The following SBNO2 variants were observed in gnomAD, a reference collection of about 807,000 sequenced individuals.
SBNO2 encodes the protein protein strawberry notch homolog 2.
Under a neutral mutation model 146.3 loss-of-function variants are expected in SBNO2, and 89 were observed. The observed-to-expected ratio is 0.61, with a 90% CI of 0.51 to 0.73. The LOEUF is 0.73. SBNO2 is among the 30% of genes least tolerant of loss of function. The probability of loss-of-function intolerance (pLI) is 0.00; values close to 1 mark genes in which losing one functional copy is unlikely to be tolerated. For missense variants in SBNO2, 2,092 were observed against 2,003.7 expected (o/e 1.04, Z -0.84); for synonymous variants, 1,147 against 892.6 (o/e 1.29, Z -5.08).
In SBNO2 at chr19:1,108,920, G is replaced by A. The variant is rs368678431; in HGVS notation, c.3475C>T (p.Leu1159=). The stretch of plus-strand genomic sequence containing the variant: ...AGCATGTAGTGGTGCCGCAGCCGCA[G>A]CCCCTGCAGGCAGTCCTTACCCTCC... ...AQEGKDCLQG[L]RLRHHYMLCG... is the part of the protein sequence containing the mutation. Residue 1159 remains leucine, a synonymous_variant, in exon 31 of 32, where the codon CTG becomes TTG. Transcript: ENST00000361757. 6.4e-6 allele frequency: 10 copies of A among 1,574,114 alleles called. No individual in the cohort carries two copies. Among genetic ancestry groups the A allele is most frequent in the African/African-American group, 1.3e-5 (1 of 74,146 alleles).
At chr19:1,167,426 G>A in intron 1 of SBNO2, among the ~76,000 whole-genome samples, 1 of 152,228 alleles carries the variant, frequency 6.6e-6, no homozygotes. Context: ...GGGTTCTCCG[G>A]GAGAGTCCGC....
intron 7 of SBNO2, 21 bp from the exon 8 acceptor site, chr19:1,123,066 G>A (rs2079922732): frequency 1.9e-6 from 3 of 1,588,392 alleles, no homozygotes; most frequent in African/African-American, 1.3e-5. Flanking sequence ...AAGGACGGAG[G>A]GCAAGGTAAA....
chr19:1,169,735 C>T (rs559723719), intron 1 of SBNO2, among the ~76,000 whole-genome samples: 7 of 152,288 alleles, frequency 4.6e-5, no homozygotes, highest in Non-Finnish European at 7.4e-5. Context: ...CTGGGGATTC[C>T]GAAGGACAGG....
rs750440306 is a variant in SBNO2, at chr19:1,114,272, A to T, written c.2036T>A (p.Val679Asp). ...GAGCCCGACTGCATCAACGATGACAACGTCGTCATCCACCAGGGACTCGGG... is the reference window on the plus strand; with the variant it reads ...GAGCCCGACTGCATCAACGATGACATCGTCGTCATCCACCAGGGACTCGGG... The part of the protein sequence containing the change: ...SSPESLVDDD[V>D]VIVDAVGLPS... The change falls in exon 18 of 32, where the codon GTT (valine) becomes GAT (aspartate). Residue 679 changes from valine to aspartate, a missense_variant. Coordinates refer to ENST00000361757, the MANE Select transcript of SBNO2 (RefSeq NM_014963.3). The T allele has an allele frequency of 3.9e-5, 61 of 1,546,386 alleles. No individual in the cohort carries two copies. The highest frequency in any genetic ancestry group is 5.1e-5 in the Non-Finnish European group (58 of 1,144,738).
chr19:1,108,452 G>A lies in SBNO2; in HGVS notation c.3869C>T (p.Pro1290Leu). 4 of 1,236,396 alleles carry A rather than the reference G, an allele frequency of 3.2e-6. No homozygotes were observed. Among genetic ancestry groups the A allele is most frequent in the Non-Finnish European group, 4.1e-6 (4 of 984,916 alleles). 76.6% of individuals were successfully genotyped at this position (1,236,396 alleles called of 1,614,324 possible). A position where few individuals can be genotyped will look rare whatever the true frequency, so the allele number is the denominator to read the frequency against. The part of the protein sequence containing the change: ...LSLDAGPGVV[P>L]LGTPDAQADP... ...GGCCTGGGCGTCGGGGGTGCCCAGC[G>A]GCACGACGCCGGGGCCGGCGTCCAG... The change falls in exon 32 of 32, where the codon CCG becomes CTG. Residue 1290 changes from proline to leucine, a missense_variant. By Grantham distance (98) the Pro-to-Leu change is moderately conservative. Transcript: ENST00000361757.
Position 1,107,997 on chromosome 19 carries a change from A to G in SBNO2, c.*223T>C. ...CCGGAGCCCCTTCCTACTTGGGAGG[A>G]GAGGCACAGAGAGGGCCCTGCCACG... On this transcript the variant is annotated 3_prime_UTR_variant, in exon 32 of 32. Transcript: ENST00000361757. 1 of 347,880 alleles carries G rather than the reference A, an allele frequency of 2.9e-6. No individual in the cohort carries two copies. The highest frequency in any genetic ancestry group is 5.2e-6 in the Non-Finnish European group (1 of 193,030). 21.5% of individuals were successfully genotyped at this position (347,880 alleles called of 1,614,324 possible).
intron 24 of SBNO2, 92 bp downstream of exon 24, chr19:1,111,414 C>T (rs537020148): frequency 6.3e-5 from 56 of 895,758 alleles, no homozygotes; most frequent in African/African-American, 4.8e-4. Context: ...AACACACAAC[C>T]GGCCTACAAA....
chr19:1,133,643 C>G (rs1036162992), intron 4 of SBNO2, among the ~76,000 whole-genome samples: 1 of 152,218 alleles, frequency 6.6e-6, no homozygotes, highest in African/African-American at 2.4e-5. Context: ...TGCCAGGCAC[C>G]CCGCCCGCCA....
At chr19:1,111,960 C>G in intron 23 of SBNO2, 36 bp downstream of exon 23, 1 of 1,571,114 alleles carries the variant, frequency 6.4e-7, no homozygotes, top group Non-Finnish European at 8.7e-7. Flanking sequence ...ACCCCTGCCC[C>G]TGCCCCGCCC....
In SBNO2 at chr19:1,109,254, G is replaced by C. The variant is rs762092380; in HGVS notation, c.3348+38C>G. 3 of 1,576,930 alleles carry C rather than the reference G, an allele frequency of 1.9e-6. No homozygotes were observed. The highest frequency in any genetic ancestry group is 1.8e-5 in the Admixed American group (1 of 54,432). On this transcript the variant is annotated intron_variant, in intron 29 of 31. Coordinates refer to ENST00000361757, the MANE Select transcript of SBNO2 (RefSeq NM_014963.3). This position sits in a 1 kb window ranked among gnomAD's most constrained non-coding sequence, Gnocchi z 4.2. The stretch of plus-strand genomic sequence containing the variant: ...CATGAGCCTGGGCGGGGTCAGGGCC[G>C]GCAACCCGAGCGAAAGCTGCGCCCG...
At chr19:1,163,826 G>C (rs1159770291) in intron 1 of SBNO2, among the ~76,000 whole-genome samples, 2 of 152,164 alleles carry the variant, frequency 1.3e-5, no homozygotes, top group African/African-American at 4.8e-5. Context: ...CAGGAGCCGG[G>C]GTCCAGGGCG....
At chr19:1,149,619 C>T (rs948110960) in intron 2 of SBNO2, among the ~76,000 whole-genome samples, 177 bp from the exon 3 acceptor site, 6 of 152,200 alleles carry the variant, frequency 3.9e-5, no homozygotes, top group Non-Finnish European at 8.8e-5. Flanking sequence ...GCCTCAGTTT[C>T]CCCACCTGCA....
At chr19:1,118,212 C>A (rs1036054300) in intron 14 of SBNO2, among the ~76,000 whole-genome samples, 39 of 152,294 alleles carry the variant, frequency 2.6e-4, no homozygotes, top group Admixed American at 3.3e-4. Context: ...GTGGCACATG[C>A]CTGTAACCCC....
In SBNO2 at chr19:1,108,494, A is replaced by G. The variant is rs1418805276; in HGVS notation, c.3827T>C (p.Phe1276Ser). 2 of 1,220,116 alleles carry G rather than the reference A, an allele frequency of 1.6e-6. No homozygotes were observed. Among genetic ancestry groups the G allele is most frequent in the Non-Finnish European group, 2.0e-6 (2 of 977,054 alleles). 75.6% of individuals were successfully genotyped at this position (1,220,116 alleles called of 1,614,324 possible). A position where few individuals can be genotyped will look rare whatever the true frequency, so the allele number is the denominator to read the frequency against. ...GGCGTCCAGGGACAGCGGCGCCGGGAAAGAGAAGTGCGGGGGCGGCGGGAA... is the reference window on the plus strand; with the variant it reads ...GGCGTCCAGGGACAGCGGCGCCGGGGAAGAGAAGTGCGGGGGCGGCGGGAA... ...EAFPPPPHFS[F>S]PAPLSLDAGP... is the part of the protein sequence containing the mutation. The change falls in exon 32 of 32, where the codon TTC becomes TCC. Residue 1276 changes from phenylalanine to serine, a missense_variant. Physicochemically the swap from Phe to Ser is radical, Grantham distance 155 (BLOSUM62 -2). Transcript: ENST00000361757.
At chr19:1,164,761 T>G (rs1599883630) in intron 1 of SBNO2, among the ~76,000 whole-genome samples, 1 of 69,956 alleles carries the variant, frequency 1.4e-5, no homozygotes, top group Non-Finnish European at 2.7e-5. Flanking sequence ...TAGGACACTG[T>G]GGGGACATCC....
Position 1,112,784 on chromosome 19 carries a change from C to G in SBNO2, c.2379+34G>C, listed in dbSNP as rs540191475. 51 of 1,537,882 alleles carry G rather than the reference C, an allele frequency of 3.3e-5. No homozygotes were observed. The African/African-American group carries it at 4.7e-4, about 14-fold the overall frequency. ...GGGCCCCTCTGTGCCTCTTGGGTCC[C>G]GTGGGCCGCGCCCAGTGCACTGCAG... On this transcript the variant is annotated intron_variant, in intron 20 of 31. Coordinates refer to ENST00000361757, the MANE Select transcript of SBNO2 (RefSeq NM_014963.3). The surrounding 1 kb of genome is among the most constrained non-coding windows in gnomAD (Gnocchi z 5.9).
Position 1,109,617 on chromosome 19 carries a change from G to T in SBNO2, c.3124-19C>A. 4 of 1,565,590 alleles carry T rather than the reference G, an allele frequency of 2.6e-6. No individual in the cohort carries two copies. The highest frequency in any genetic ancestry group is 3.5e-6 in the Non-Finnish European group (4 of 1,155,276). ...CGCTGATCTGCCACGGCACGGGGTG[G>T]GGGGGTGTGAGTGTGGTGGGGGCGG... On this transcript the variant is annotated intron_variant, in intron 27 of 31. Transcript: ENST00000361757. This position sits in a 1 kb window ranked among gnomAD's most constrained non-coding sequence, Gnocchi z 4.2.
Position 1,150,236 on chromosome 19 carries a change from G to A in SBNO2, c.94-794C>T, listed in dbSNP as rs1450288532. Reference sequence around the variant, plus strand: ...CCCTTGGGAATGAGAGCGGCTTGAGGCACACGGCAGGCCCCAAAACCTGAG... The same window carrying A: ...CCCTTGGGAATGAGAGCGGCTTGAGACACACGGCAGGCCCCAAAACCTGAG... On this transcript the variant is annotated intron_variant, in intron 2 of 31. Transcript: ENST00000361757. This position sits in a 1 kb window ranked among gnomAD's most constrained non-coding sequence, Gnocchi z 6.2. Among the ~76,000 whole-genome samples, 1 of 152,152 alleles carries A rather than the reference G, an allele frequency of 6.6e-6. No homozygotes were observed. The highest frequency in any genetic ancestry group is 1.5e-5 in the Non-Finnish European group (1 of 68,018).
At chr19:1,160,769 A>G (rs2145331931) in intron 1 of SBNO2, among the ~76,000 whole-genome samples, 1 of 152,162 alleles carries the variant, frequency 6.6e-6, no homozygotes, top group East Asian at 1.9e-4. Flanking sequence ...ATTTCAGGTG[A>G]TCCGCCCGCC....
Sources: gnomAD v4.1 joint callset for allele counts (sites outside exome capture counted in the v4.1 genomes callset) on GRCh38, gnomAD v4.1.1 for gene constraint, Gnocchi (gnomAD v3.1) non-coding constraint, MANE v1.5 for transcripts, NCBI Gene and HGNC (gene_info 2026-07-23, HGNC 2026-07-21) for gene names.